The following IL34 variants were observed in gnomAD, a reference collection of about 807,000 sequenced individuals.
IL34 encodes the protein interleukin 34.
In IL34, 17 loss-of-function variants were observed where a neutral mutation model predicts 25.3. The observed-to-expected ratio is 0.67, with a 90% CI of 0.46 to 1.01. IL34 has a LOEUF of 1.01. IL34 is among the 50% of genes least tolerant of loss of function. IL34 has a pLI of 0.00. For missense variants in IL34, 368 were observed against 312.9 expected (o/e 1.18, Z -1.33); for synonymous variants, 174 against 140.9 (o/e 1.23, Z -1.66).
chr16:70,621,592 C>G lies in IL34; in HGVS notation c.-400-24956C>G, dbSNP rs180849925. Among the ~76,000 whole-genome samples, 348 of 152,150 alleles carry G rather than the reference C, an allele frequency of 2.3e-3. 2 individuals are homozygous for G. The highest frequency in any genetic ancestry group is 4.0e-3 in the Non-Finnish European group (270 of 67,992). On this transcript the variant is annotated intron_variant, in intron 1 of 6. Transcript: ENST00000429149. Reference sequence around the variant, plus strand: ...ATCTCCCAAGGGAGGTCCCCCGATCCGAGTCATGGCACCAAATTTCATGCG... The same window carrying G: ...ATCTCCCAAGGGAGGTCCCCCGATCGGAGTCATGGCACCAAATTTCATGCG...
At chr16:70,583,109 G>T (rs559623696) in intron 1 of IL34, among the ~76,000 whole-genome samples, 31 of 152,168 alleles carry the variant, frequency 2.0e-4, no homozygotes, top group South Asian at 1.0e-3. Flanking sequence ...GGAGTTTTTT[G>T]TTGTTGTTGT....
intron 1 of IL34, among the ~76,000 whole-genome samples, chr16:70,599,157 G>A (rs774630891): frequency 1.2e-4 from 19 of 152,328 alleles, no homozygotes; most frequent in Middle Eastern, 6.8e-3. Context: ...AGAGCCGCAC[G>A]TTGTCAGAGA....
At chr16:70,583,346 C>A (rs886808371) in intron 1 of IL34, among the ~76,000 whole-genome samples, 20 of 151,994 alleles carry the variant, frequency 1.3e-4, no homozygotes, top group African/African-American at 4.6e-4. Context: ...AACAGATTCA[C>A]CTGCCTCAGC....
chr16:70,652,115 G>A (rs1416702779), intron 1 of IL34, among the ~76,000 whole-genome samples: 4 of 150,270 alleles, frequency 2.7e-5, no homozygotes, highest in Admixed American at 2.0e-4. Context: ...GTGACAGAGC[G>A]GGACTCCGTC....
At chr16:70,616,163 T>C (rs780082950) in intron 1 of IL34, among the ~76,000 whole-genome samples, 50 of 152,342 alleles carry the variant, frequency 3.3e-4, no homozygotes, top group Admixed American at 2.5e-3. Context: ...AAAAATCTCA[T>C]ACACGTGGCC....
chr16:70,629,615 A>G (rs1260494838), intron 1 of IL34, among the ~76,000 whole-genome samples: 2 of 152,192 alleles, frequency 1.3e-5, no homozygotes, highest in Non-Finnish European at 2.9e-5. Context: ...TAGTTGTTAT[A>G]CTATATTGTT....
intron 1 of IL34, among the ~76,000 whole-genome samples, chr16:70,599,293 C>CATTCTTTCTTTCTTTCTTTCTTCT (rs1555502939): frequency 5.6e-4 from 75 of 132,796 alleles, no homozygotes; most frequent in African/African-American, 2.1e-3. Flanking sequence ...TTCTTTCTTT[C>CATTCTTTCTTTCTTTCTTTCTTCT]TTCTTTCTTT....
intron 1 of IL34, among the ~76,000 whole-genome samples, chr16:70,625,318 C>T (rs752676244): frequency 6.6e-6 from 1 of 151,608 alleles, no homozygotes; most frequent in African/African-American, 2.4e-5. Context: ...TTCTTACCCT[C>T]CAGAAAAGTG....
intron 5 of IL34, 87 bp downstream of exon 5, chr16:70,659,840 C>A: frequency 6.6e-7 from 1 of 1,513,728 alleles, no homozygotes; most frequent in Non-Finnish European, 8.9e-7. Flanking sequence ...TGGCGTCCTC[C>A]CGGGCATATC....
chr16:70,647,521 A>G (rs1448161180), intron 1 of IL34, among the ~76,000 whole-genome samples: 2 of 152,262 alleles, frequency 1.3e-5, no homozygotes, highest in Non-Finnish European at 1.5e-5. Flanking sequence ...AAGGAAAAAA[A>G]GGATCTGGAA....
Position 70,646,612 on chromosome 16 carries a change from T to G in IL34, c.-336T>G. ...AGAGAAAGCGTCACCCAGCCCCAGA[T>G]TCCGAGGGGCCTGCCAGGGACTCTC... is the stretch of plus-strand genomic sequence containing the variant. On this transcript the variant is annotated 5_prime_UTR_variant, in exon 1 of 6. Coordinates refer to ENST00000288098, the MANE Select transcript of IL34 (RefSeq NM_001393494.1). 2.8e-6 allele frequency: 1 copy of G among 352,466 alleles called. No homozygotes were observed. The highest frequency in any genetic ancestry group is 5.1e-6 in the Non-Finnish European group (1 of 196,672). The allele number at this position is 352,466 out of a possible 1,614,324, so 21.8% of individuals were successfully genotyped here.
At chr16:70,598,940 C>T (rs2050864509) in intron 1 of IL34, among the ~76,000 whole-genome samples, 2 of 152,130 alleles carry the variant, frequency 1.3e-5, no homozygotes, top group South Asian at 2.1e-4. Context: ...TCAGAAGTTA[C>T]ATTAAAGTAG....
intron 1 of IL34, among the ~76,000 whole-genome samples, chr16:70,633,457 G>A (rs115315023): frequency 0.029 from 4,361 of 152,052 alleles, 243 homozygotes; most frequent in African/African-American, 0.1. Context: ...TAGAGACGTG[G>A]TCTCCCTATG....
intron 1 of IL34, among the ~76,000 whole-genome samples, chr16:70,652,673 C>G (rs71401821): frequency 0.11 from 16,557 of 152,140 alleles, 971 homozygotes; most frequent in East Asian, 0.2. Flanking sequence ...AAAATAAATG[C>G]TGCTCTGTAC....
At chr16:70,620,688 C>A (rs1024042598) in intron 1 of IL34, among the ~76,000 whole-genome samples, 3 of 151,738 alleles carry the variant, frequency 2.0e-5, no homozygotes, top group African/African-American at 7.3e-5. Context: ...CGTCAGGCAC[C>A]TCAGACCTTC....
At chr16:70,653,580 C>T (rs1229790561) in intron 1 of IL34, among the ~76,000 whole-genome samples, 1 of 152,042 alleles carries the variant, frequency 6.6e-6, no homozygotes, top group East Asian at 1.9e-4. Flanking sequence ...CAACTGTAGT[C>T]CTAGCTACTC....
intron 1 of IL34, among the ~76,000 whole-genome samples, chr16:70,606,934 A>G: frequency 6.6e-6 from 1 of 151,954 alleles, no homozygotes. Context: ...GACATACTAT[A>G]ATTTTTTTAC....
Position 70,660,081 on chromosome 16 carries a change from C to A in IL34, c.623C>A (p.Ala208Glu). ...AGCCCAGAGCCCTCATTGCAGTATG[C>A]GGCCACCCAGCTGTACCCTCCGCCC... ...SCSPEPSLQY[A>E]ATQLYPPPPW... The change falls in exon 6 of 6, where the codon GCG becomes GAG. Residue 208 changes from alanine (A) to glutamate (E), a missense_variant. Ala to Glu is a moderately radical substitution (Grantham distance 107, BLOSUM62 -1). Transcript: ENST00000288098. The A allele has an allele frequency of 6.2e-7, 1 of 1,613,608 alleles. No homozygotes were observed. The highest frequency in any genetic ancestry group is 8.5e-7 in the Non-Finnish European group (1 of 1,179,842).
In IL34 at chr16:70,656,698, G is replaced by T. The variant is rs370239424; in HGVS notation, c.240+19G>T. 6 of 1,197,724 alleles carry T rather than the reference G, an allele frequency of 5.0e-6. No individual in the cohort carries two copies. Among genetic ancestry groups the T allele is most frequent in the South Asian group, 2.4e-5 (2 of 82,848 alleles). The allele number at this position is 1,197,724 out of a possible 1,614,324, so 74.2% of individuals were successfully genotyped here. Reference sequence around the variant, plus strand: ...CAGGCTGGTGAGAATCCCTTCCTGGGCTGGGGGGACCCTGCCTCCTGCGAC... The same window carrying T: ...CAGGCTGGTGAGAATCCCTTCCTGGTCTGGGGGGACCCTGCCTCCTGCGAC... On this transcript the variant is annotated intron_variant, in intron 3 of 5. Transcript: ENST00000288098.
Sources: gnomAD v4.1 joint callset for allele counts (sites outside exome capture counted in the v4.1 genomes callset) on GRCh38, gnomAD v4.1.1 for gene constraint, MANE v1.5 for transcripts, NCBI Gene and HGNC (gene_info 2026-07-23, HGNC 2026-07-21) for gene names.